The following AGBL1 variants were observed in gnomAD, a reference collection of about 807,000 sequenced individuals.
The protein encoded by AGBL1 is AGBL carboxypeptidase 1.
In AGBL1, 130 loss-of-function variants were observed where a neutral mutation model predicts 118.9. The ratio of observed to expected loss-of-function variants is 1.09; its 90% confidence interval spans 0.95 to 1.26. The LOEUF (loss-of-function observed/expected upper bound fraction) is 1.26. Ranked by LOEUF, AGBL1 falls within the 50% of genes most tolerant of loss-of-function variation. AGBL1 has a pLI of 0.00. For missense variants in AGBL1, 1,584 were observed against 1,298.1 expected (o/e 1.22, Z -3.38); for synonymous variants, 555 against 478.9 (o/e 1.16, Z -2.08).
At chr15:86,784,471 A>G (rs1003733048) in intron 22 of AGBL1, among the ~76,000 whole-genome samples, 2 of 152,184 alleles carry the variant, frequency 1.3e-5, no homozygotes, top group African/African-American at 4.8e-5. Flanking sequence ...GTAGCTCGTT[A>G]TGAATGCAGA....
chr15:86,317,709 C>A (rs557122974), intron 17 of AGBL1, among the ~76,000 whole-genome samples: 1 of 152,290 alleles, frequency 6.6e-6, no homozygotes, highest in South Asian at 2.1e-4. Context: ...ATATTTTAGA[C>A]TTTTTGTGCC....
chr15:86,975,440 A>C (rs531945979), intron 23 of AGBL1, among the ~76,000 whole-genome samples: 44 of 152,188 alleles, frequency 2.9e-4, no homozygotes, highest in African/African-American at 1.1e-3. Context: ...ATTACCTCCC[A>C]CAGGGCCCCT....
intron 18 of AGBL1, among the ~76,000 whole-genome samples, chr15:86,454,850 G>A (rs932737850): frequency 1.4e-4 from 22 of 152,080 alleles, no homozygotes; most frequent in Non-Finnish European, 2.1e-4. Context: ...ATCAAACTAC[G>A]CTTTAGATGG....
intron 17 of AGBL1, among the ~76,000 whole-genome samples, chr15:86,365,019 A>C (rs1373649229): frequency 7.0e-6 from 1 of 142,016 alleles, no homozygotes; most frequent in African/African-American, 2.6e-5. Flanking sequence ...ACACACACAT[A>C]TATATATACA....
At chr15:86,945,319 T>C (rs1019178662) in intron 23 of AGBL1, among the ~76,000 whole-genome samples, 1 of 147,702 alleles carries the variant, frequency 6.8e-6, no homozygotes, top group Non-Finnish European at 1.5e-5. Flanking sequence ...TATGTAAAGA[T>C]AGAGAAAAAA....
At chr15:86,202,046 C>T (rs1241549270) in intron 5 of AGBL1, among the ~76,000 whole-genome samples, 1 of 152,148 alleles carries the variant, frequency 6.6e-6, no homozygotes, top group East Asian at 1.9e-4. Context: ...GTAATCCCAG[C>T]ACTTTGGGAG....
intron 16 of AGBL1, among the ~76,000 whole-genome samples, chr15:86,292,938 C>T (rs890092096): frequency 5.3e-5 from 8 of 152,144 alleles, no homozygotes; most frequent in Non-Finnish European, 1.0e-4. Context: ...AGACAGTAAG[C>T]TATGTGTGGG....
intron 17 of AGBL1, among the ~76,000 whole-genome samples, chr15:86,307,431 G>GT (rs546130911): frequency 2.3e-3 from 347 of 150,440 alleles, no homozygotes; most frequent in Middle Eastern, 0.017. Context: ...AAATTTGTTA[G>GT]TTTTTTTTTG....
intron 22 of AGBL1, among the ~76,000 whole-genome samples, chr15:86,725,186 T>A (rs556209155): frequency 6.6e-6 from 1 of 152,222 alleles, no homozygotes; most frequent in Non-Finnish European, 1.5e-5. Context: ...ATTTCCAATA[T>A]ATGACAAGCT....
At chr15:86,552,464 A>G (rs896753591) in intron 20 of AGBL1, among the ~76,000 whole-genome samples, 6 of 152,236 alleles carry the variant, frequency 3.9e-5, no homozygotes, top group African/African-American at 7.2e-5. Flanking sequence ...TGCCAGTATT[A>G]TTGATCACTT....
At chr15:86,934,937 C>T (rs998680338) in intron 23 of AGBL1, 9 of 152,174 alleles carry the variant, frequency 5.9e-5, no homozygotes, top group Admixed American at 5.9e-4. Context: ...GATCCATTCT[C>T]CTCCTGATAT....
At chr15:86,813,608 G>T (rs764451553) in intron 22 of AGBL1, among the ~76,000 whole-genome samples, 1 of 152,124 alleles carries the variant, frequency 6.6e-6, no homozygotes, top group Non-Finnish European at 1.5e-5. Flanking sequence ...CCAACAGACA[G>T]ATCCTCTGGA....
At chr15:86,289,107 T>C (rs1378821344) in intron 16 of AGBL1, among the ~76,000 whole-genome samples, 2 of 152,166 alleles carry the variant, frequency 1.3e-5, no homozygotes, top group East Asian at 3.8e-4. Context: ...GCATTTCTCA[T>C]ACACATTTTT....
At chr15:86,566,810 A>T (rs1248011182) in intron 21 of AGBL1, among the ~76,000 whole-genome samples, 1 of 152,170 alleles carries the variant, frequency 6.6e-6, no homozygotes, top group East Asian at 1.9e-4. Context: ...ATGGTTTTTA[A>T]TAATAGATGT....
chr15:86,572,557 C>T (rs888537264), intron 21 of AGBL1, among the ~76,000 whole-genome samples: 2 of 152,228 alleles, frequency 1.3e-5, no homozygotes, highest in East Asian at 1.9e-4. Flanking sequence ...TGCACCGTTC[C>T]CGCAGTGGTG....
chr15:86,480,185 C>T, intron 18 of AGBL1, among the ~76,000 whole-genome samples: 1 of 152,100 alleles, frequency 6.6e-6, no homozygotes, highest in East Asian at 1.9e-4. Flanking sequence ...TGTAACAAAC[C>T]TGCACGTTGT....
At chr15:86,884,079 C>T (rs1202361947) in intron 22 of AGBL1, among the ~76,000 whole-genome samples, 1 of 152,180 alleles carries the variant, frequency 6.6e-6, no homozygotes, top group Non-Finnish European at 1.5e-5. Flanking sequence ...CTTTTCTTTC[C>T]TCATTAAGTT....
At chr15:86,773,943 G>C (rs945509561) in intron 22 of AGBL1, among the ~76,000 whole-genome samples, 1 of 152,122 alleles carries the variant, frequency 6.6e-6, no homozygotes, top group African/African-American at 2.4e-5. Flanking sequence ...GGCTGGCTCT[G>C]AGAGGGATAG....
intron 18 of AGBL1, among the ~76,000 whole-genome samples, chr15:86,474,632 A>G (rs150834205): frequency 0.043 from 6,521 of 152,284 alleles, 201 homozygotes; most frequent in South Asian, 0.11. Flanking sequence ...CTGCGTCTGT[A>G]GGCTCCACCT....
Sources: allele counts gnomAD v4.1 joint callset (sites outside exome capture counted in the v4.1 genomes callset), GRCh38; gene constraint gnomAD v4.1.1; transcripts MANE v1.5; gene names NCBI Gene and HGNC (gene_info 2026-07-23, HGNC 2026-07-21).